USP34: variants seen among roughly 807,000 people sequenced by gnomAD.
USP34 encodes ubiquitin specific peptidase 34.
USP34 carries 70 observed loss-of-function variants against 460.3 expected under a neutral mutation model. The ratio of observed to expected loss-of-function variants is 0.15; its 90% CI spans 0.13 to 0.19. The LOEUF is 0.19. Ranked by LOEUF, USP34 falls within the 10% of genes least tolerant of loss-of-function variation. The pLI, the probability that USP34 is intolerant of heterozygous loss-of-function variation, is 1.00. For missense variants in USP34, 3,985 were observed against 4,236.2 expected, an observed-to-expected ratio of 0.94 and a Z score of 1.65; for synonymous variants, 1,647 against 1,405.3, an observed-to-expected ratio of 1.17 and a Z score of -3.85.
At chr2:61,395,301 T>C in intron 3 of USP34, 68 bp from the exon 4 acceptor site, 2 of 967,416 alleles carry the variant, frequency 2.1e-6, no homozygotes, top group Non-Finnish European at 3.1e-6. Flanking sequence ...TACAATTCTA[T>C]AAAAGACTGA....
rs1162657004 is a variant in USP34, at chr2:61,190,510, C to G, written c.9729+8G>C. 5.6e-6 allele frequency: 9 copies of G among 1,612,930 alleles called. No individual in the cohort carries two copies. Among genetic ancestry groups the G allele is most frequent in the Non-Finnish European group, 7.6e-6 (9 of 1,179,620 alleles). On this transcript the variant is annotated splice_region_variant and intron_variant, in intron 77 of 79. Transcript: ENST00000398571. ...AATGACACACTGAGTTTCCAAAGTA[C>G]TACGTACCTTTAGAAGGAAATGTGT...
At chr2:61,457,600 C>T (rs531557187) in intron 1 of USP34, among the ~76,000 whole-genome samples, 2 of 152,266 alleles carry the variant, frequency 1.3e-5, no homozygotes, top group South Asian at 2.1e-4. Context: ...TGGTGCCTCA[C>T]GCCTGTAATC....
At chr2:61,434,867 A>G (rs534910106) in intron 1 of USP34, among the ~76,000 whole-genome samples, 47 of 152,170 alleles carry the variant, frequency 3.1e-4, no homozygotes, top group Non-Finnish European at 6.2e-4. Context: ...ATTCTCCTGT[A>G]ATAGACCCCA....
intron 10 of USP34, among the ~76,000 whole-genome samples, chr2:61,353,961 C>T (rs186634573): frequency 3.3e-5 from 5 of 152,056 alleles, no homozygotes; most frequent in African/African-American, 1.2e-4. Context: ...GTAAGTAGGA[C>T]AACTGAAATT....
At chr2:61,298,378 A>AC (rs1690102401) in intron 29 of USP34, among the ~76,000 whole-genome samples, 2 of 144,724 alleles carry the variant, frequency 1.4e-5, no homozygotes, top group Non-Finnish European at 3.0e-5. Context: ...AAAAAAAAAA[A>AC]AAAAAAAAAA....
In USP34 at chr2:61,406,689, AT is replaced by A. The variant is rs772907018; in HGVS notation, c.132-562del. ...CCCCCCCAAGCTCCTGTAAAAAAAA[AT>A]ATATGTGTATTTAAAAAAAAAAAAA... On this transcript the variant is annotated intron_variant, in intron 2 of 79. Transcript: ENST00000398571. Among the ~76,000 whole-genome samples, 35 of 141,090 alleles carry A rather than the reference AT, an allele frequency of 2.5e-4. 1 individual carries two copies. The South Asian group carries it at 2.5e-3, about 10-fold the overall frequency. The allele number at this position is 141,090 out of a possible 152,430, so 92.6% of individuals were successfully genotyped here.
chr2:61,390,798 GAA>G (rs888921477), intron 5 of USP34, among the ~76,000 whole-genome samples: 2 of 148,452 alleles, frequency 1.3e-5, no homozygotes, highest in Admixed American at 6.7e-5. Flanking sequence ...TTCAGGTTCT[GAA>G]AAAAAAAACT....
chr2:61,350,198 A>C, intron 12 of USP34, 62 bp downstream of exon 12: 2 of 1,507,384 alleles, frequency 1.3e-6, no homozygotes, highest in South Asian at 2.6e-5. Flanking sequence ...TTAGCAGAAA[A>C]TATTTCAAAT....
intron 10 of USP34, among the ~76,000 whole-genome samples, chr2:61,352,865 C>T (rs556695170): frequency 4.0e-5 from 6 of 151,880 alleles, no homozygotes; most frequent in South Asian, 2.1e-4. Flanking sequence ...AAAACAAAGA[C>T]GATGAAGACG....
In USP34 at chr2:61,365,352, T is replaced by C. The variant is rs145900574; in HGVS notation, c.1251+4969A>G. On this transcript the variant is annotated intron_variant, in intron 10 of 79. Transcript: ENST00000398571. The stretch of plus-strand genomic sequence containing the variant: ...GTATATATGTATGTATGTATGTATG[T>C]ATGCCTTCAAAAACTCAGAACAAAA... Among the ~76,000 whole-genome samples, 1,235 of 152,120 alleles carry C rather than the reference T, an allele frequency of 8.1e-3. 22 individuals carry two copies. The highest frequency in any genetic ancestry group is 0.028 in the African/African-American group (1,181 of 41,468).
chr2:61,334,079 C>A, intron 18 of USP34, 108 bp from the exon 19 acceptor site: 1 of 657,124 alleles, frequency 1.5e-6, no homozygotes, highest in Non-Finnish European at 2.3e-6. Flanking sequence ...TGCATAGAGA[C>A]ATATTATTAC....
intron 1 of USP34, among the ~76,000 whole-genome samples, chr2:61,466,633 C>T (rs1238792936): frequency 6.6e-6 from 1 of 151,978 alleles, no homozygotes; most frequent in Non-Finnish European, 1.5e-5. Context: ...ATTTTTAGGC[C>T]AGGCATGCTG....
chr2:61,395,223 G>T lies in USP34; in HGVS notation c.563C>A (p.Thr188Asn), dbSNP rs1693480644. The change falls in exon 4 of 80, where the codon ACT becomes AAT. Residue 188 changes from threonine to asparagine, a missense_variant. Transcript: ENST00000398571. The stretch of plus-strand genomic sequence containing the variant: ...TGCCCCTAATATGTTACTTTCTTGA[G>T]TTGATATATCCTAATTAAAAAAAAA... ...NTHPTIEDISTQESNILGAFC... is the reference protein window; with the variant it reads ...NTHPTIEDISNQESNILGAFC... 3 of 1,452,392 alleles carry T rather than the reference G, an allele frequency of 2.1e-6. No homozygotes were observed. Among genetic ancestry groups the T allele is most frequent in the African/African-American group, 1.4e-5 (1 of 69,622 alleles). The allele number at this position is 1,452,392 out of a possible 1,614,324, so 90.0% of individuals were successfully genotyped here. A position where few individuals can be genotyped will look rare whatever the true frequency, so the allele number is the denominator to read the frequency against.
chr2:61,366,661 T>C (rs1036141535), intron 10 of USP34, among the ~76,000 whole-genome samples: 7 of 151,474 alleles, frequency 4.6e-5, no homozygotes, highest in Admixed American at 6.6e-5. Context: ...CCCCGAGAAG[T>C]TGCCAGACAA....
At chr2:61,226,456 C>A (rs1687732916) in intron 62 of USP34, among the ~76,000 whole-genome samples, 1 of 152,158 alleles carries the variant, frequency 6.6e-6, no homozygotes, top group Non-Finnish European at 1.5e-5. Flanking sequence ...CACACACACA[C>A]ATACACACTC....
chr2:61,423,022 C>T (rs995853732), intron 1 of USP34, among the ~76,000 whole-genome samples: 5 of 152,040 alleles, frequency 3.3e-5, no homozygotes, highest in East Asian at 1.9e-4. Context: ...GAGTGAGACC[C>T]CCTCTCAAAA....
chr2:61,379,358 A>C (rs1692903866), intron 7 of USP34, among the ~76,000 whole-genome samples: 1 of 152,152 alleles, frequency 6.6e-6, no homozygotes, highest in Non-Finnish European at 1.5e-5. Context: ...ATCTCTACTA[A>C]AAATGCAAAA....
intron 27 of USP34, among the ~76,000 whole-genome samples, chr2:61,308,042 C>A (rs570045065): frequency 6.6e-6 from 1 of 151,866 alleles, no homozygotes; most frequent in East Asian, 1.9e-4. Context: ...GAGTGAGACC[C>A]TGTCTCAAAA....
At chr2:61,332,340 GTTCTT>G (rs1359816236) in intron 19 of USP34, among the ~76,000 whole-genome samples, 1 of 151,996 alleles carries the variant, frequency 6.6e-6, no homozygotes, top group Non-Finnish European at 1.5e-5. Flanking sequence ...AACCACAGGA[GTTCTT>G]TTAAGTGATG....
Sources: allele counts gnomAD v4.1 joint callset (sites outside exome capture counted in the v4.1 genomes callset), GRCh38; gene constraint gnomAD v4.1.1; transcripts MANE v1.5; gene names NCBI Gene and HGNC (gene_info 2026-07-23, HGNC 2026-07-21).